The following SLMAP variants were observed in gnomAD, a reference collection of about 807,000 sequenced individuals.
The protein encoded by SLMAP is sarcolemmal membrane-associated protein.
SLMAP carries 44 observed loss-of-function variants against 128.8 expected under a neutral mutation model. That is an observed-to-expected ratio of 0.34 (90% CI 0.27 to 0.44). The LOEUF is 0.44. Ranked by LOEUF, SLMAP falls within the 20% of genes least tolerant of loss-of-function variation. SLMAP has a pLI of 1.00. For missense variants in SLMAP, 787 were observed against 985.3 expected, an observed-to-expected ratio of 0.80 and a Z score of 2.69; for synonymous variants, 327 against 348.8, an observed-to-expected ratio of 0.94 and a Z score of 0.70.
intron 2 of SLMAP, among the ~76,000 whole-genome samples, chr3:57,788,508 A>G (rs1020650445): frequency 3.3e-5 from 5 of 152,228 alleles, no homozygotes; most frequent in Non-Finnish European, 5.9e-5. Flanking sequence ...TGAAGGTTAC[A>G]GGAAATACAC....
intron 2 of SLMAP, among the ~76,000 whole-genome samples, chr3:57,799,797 C>T (rs191119477): frequency 5.4e-4 from 82 of 152,178 alleles, no homozygotes; most frequent in Admixed American, 2.0e-3. Context: ...CAAACATATT[C>T]GCGAGCTTTT....
intron 5 of SLMAP, among the ~76,000 whole-genome samples, chr3:57,848,584 CCCTCCTCTT>C (rs1167890914): frequency 4.7e-5 from 4 of 84,952 alleles, no homozygotes; most frequent in Non-Finnish European, 1.0e-4. Context: ...TCTTCCTGCT[CCCTCCTCTT>C]CCTCCTTCCT....
chr3:57,854,627 A>G (rs1267961329), intron 6 of SLMAP, among the ~76,000 whole-genome samples: 1 of 152,206 alleles, frequency 6.6e-6, no homozygotes, highest in East Asian at 1.9e-4. Flanking sequence ...ATACGTTTAT[A>G]TAAACAACAT....
chr3:57,783,693 A>G (rs1299164336), intron 2 of SLMAP, among the ~76,000 whole-genome samples: 1 of 152,136 alleles, frequency 6.6e-6, no homozygotes, highest in Admixed American at 6.6e-5. Flanking sequence ...TGCTAAGGAG[A>G]TTAGTATGGA....
rs72397483 is a variant in SLMAP, at chr3:57,922,425, C to CTTTT, written c.2311-448_2311-445dup. On this transcript the variant is annotated intron_variant, in intron 22 of 24. Coordinates refer to ENST00000671191, the MANE Select transcript of SLMAP (RefSeq NM_001377540.1). Reference sequence around the variant, plus strand: ...AATAAAGTCAACATTAAAGGCTTTTCTTTTTTTTTTTTTTTTTTTGAGACG... The same window carrying CTTTT: ...AATAAAGTCAACATTAAAGGCTTTTCTTTTTTTTTTTTTTTTTTTTTTTGAGACG... Among the ~76,000 whole-genome samples, 16 of 124,998 alleles carry CTTTT rather than the reference C, an allele frequency of 1.3e-4. 1 individual carries two copies. Among genetic ancestry groups the CTTTT allele is most frequent in the African/African-American group, 3.5e-4 (12 of 33,848 alleles). 82.0% of individuals were successfully genotyped at this position (124,998 alleles called of 152,430 possible).
chr3:57,774,820 G>A (rs1213218949), intron 2 of SLMAP, among the ~76,000 whole-genome samples: 1 of 152,002 alleles, frequency 6.6e-6, no homozygotes, highest in African/African-American at 2.4e-5. Flanking sequence ...CATTGCGCCC[G>A]GCCAACAGAC....
intron 2 of SLMAP, among the ~76,000 whole-genome samples, chr3:57,792,003 A>G (rs1266564173): frequency 6.6e-6 from 1 of 152,182 alleles, no homozygotes; most frequent in Non-Finnish European, 1.5e-5. Context: ...CTTAAGTTAC[A>G]GCTTTAATTG....
At chr3:57,864,512 G>A (rs761464144) in intron 10 of SLMAP, 36 bp from the exon 11 acceptor site, 5 of 1,467,006 alleles carry the variant, frequency 3.4e-6, no homozygotes, top group Non-Finnish European at 4.6e-6. Flanking sequence ...AACAGAGTTA[G>A]GTTTGTTAAA....
At chr3:57,785,397 C>G (rs2083880027) in intron 2 of SLMAP, among the ~76,000 whole-genome samples, 2 of 152,154 alleles carry the variant, frequency 1.3e-5, no homozygotes, top group Admixed American at 6.6e-5. Context: ...AAGGGCATAA[C>G]CTTCTCTTAG....
chr3:57,923,755 C>G (rs1459976632), intron 23 of SLMAP, among the ~76,000 whole-genome samples: 1 of 152,174 alleles, frequency 6.6e-6, no homozygotes, highest in Non-Finnish European at 1.5e-5. Context: ...CCACATACTT[C>G]CTATGGAGGA....
chr3:57,872,386 A>AG, intron 14 of SLMAP, among the ~76,000 whole-genome samples: 1 of 152,152 alleles, frequency 6.6e-6, no homozygotes, highest in African/African-American at 2.4e-5. Flanking sequence ...GGGGAGGCCG[A>AG]AGTGGGTGGA....
At chr3:57,781,275 G>A (rs200350883) in intron 2 of SLMAP, among the ~76,000 whole-genome samples, 1 of 151,890 alleles carries the variant, frequency 6.6e-6, no homozygotes. Context: ...GTTTCTTATT[G>A]CAGCTACATT....
intron 2 of SLMAP, 74 bp from the exon 3 acceptor site, chr3:57,831,309 A>T: frequency 8.8e-7 from 1 of 1,132,968 alleles, no homozygotes; most frequent in Non-Finnish European, 1.2e-6. Flanking sequence ...AGCTGGAAGC[A>T]TTTTTTTAAA....
intron 8 of SLMAP, 62 bp downstream of exon 8, chr3:57,858,221 T>C: frequency 1.1e-6 from 1 of 930,270 alleles, no homozygotes; most frequent in Non-Finnish European, 1.8e-6. Context: ...CATCATTTCT[T>C]TGACTATCAT....
chr3:57,797,157 G>A (rs1408882499), intron 2 of SLMAP, among the ~76,000 whole-genome samples: 1 of 149,978 alleles, frequency 6.7e-6, no homozygotes, highest in Non-Finnish European at 1.5e-5. Flanking sequence ...CCTCCAGCCT[G>A]GGTGACAGAG....
chr3:57,865,718 G>A (rs2095281778), intron 13 of SLMAP, among the ~76,000 whole-genome samples: 1 of 152,130 alleles, frequency 6.6e-6, no homozygotes, highest in African/African-American at 2.4e-5. Flanking sequence ...TTATCCATCT[G>A]TTTCATTGAT....
chr3:57,769,572 C>T (rs1195941790), intron 2 of SLMAP, among the ~76,000 whole-genome samples: 1 of 152,070 alleles, frequency 6.6e-6, no homozygotes, highest in Non-Finnish European at 1.5e-5. Context: ...AACCCTCCCA[C>T]CTCAGGCTCC....
chr3:57,823,252 G>A (rs997942145), intron 2 of SLMAP, among the ~76,000 whole-genome samples: 15 of 151,902 alleles, frequency 9.9e-5, no homozygotes, highest in African/African-American at 3.6e-4. Flanking sequence ...TAAGTTTTAG[G>A]GTACATGTGC....
In SLMAP at chr3:57,841,304, C is replaced by T. The variant is rs779573000; in HGVS notation, c.352C>T (p.His118Tyr). The change falls in exon 4 of 25, where the codon CAT becomes TAT. Residue 118 changes from histidine to tyrosine, a missense_variant. Physicochemically the swap from His to Tyr is moderately conservative, Grantham distance 83. This residue lies in a region of SLMAP where 715 missense variants were observed against 843.6 expected (regional missense o/e 0.85). Coordinates refer to ENST00000671191, the MANE Select transcript of SLMAP (RefSeq NM_001377540.1). ...TATTTGTTTGTTTCAACCAGTTACC[C>T]ATGGGTGTATTGTTTCCACAATAAA... is the stretch of plus-strand genomic sequence containing the variant. ...DVTENTRKVT[H>Y]GCIVSTIKLF... 6.3e-7 allele frequency: 1 copy of T among 1,594,748 alleles called. No homozygotes were observed. The highest frequency in any genetic ancestry group is 1.7e-5 in the Admixed American group (1 of 58,138).
Sources: gnomAD v4.1 joint callset for allele counts (sites outside exome capture counted in the v4.1 genomes callset) on GRCh38, gnomAD v4.1.1 for gene constraint, gnomAD v4.1.1 regional missense constraint, MANE v1.5 for transcripts, NCBI Gene and HGNC (gene_info 2026-07-23, HGNC 2026-07-21) for gene names.